The following CFAP73 variants were observed in gnomAD, a reference collection of about 807,000 sequenced individuals.
CFAP73 encodes cilia and flagella associated protein 73, also known as cilia- and flagella-associated protein 73.
A neutral mutation model predicts 42.9 loss-of-function variants in CFAP73; 33 were observed. That is an observed-to-expected ratio of 0.77 (90% CI 0.58 to 1.03). CFAP73 has a LOEUF of 1.03. Ranked by LOEUF, CFAP73 falls within the 50% of genes least tolerant of loss-of-function variation. The pLI, the probability that CFAP73 is intolerant of heterozygous loss-of-function variation, is 0.00. For missense variants in CFAP73, 392 were observed against 411.9 expected (o/e 0.95, Z 0.42); for synonymous variants, 162 against 186.8 (o/e 0.87, Z 1.08).
chr12:113,155,151 C>T, intron 5 of CFAP73, 109 bp from the exon 6 acceptor site: 2 of 1,002,684 alleles, frequency 2.0e-6, no homozygotes, highest in Admixed American at 2.9e-5. Context: ...GCCTGGGCGA[C>T]AAAGCTAGAC....
rs1406338810 is a variant in CFAP73 at position 113,155,298 on chromosome 12, GAA to G, written c.730_731del (p.Lys244AspfsTer58). The G allele has an allele frequency of 5.2e-6, 8 of 1,549,936 alleles. No homozygotes were observed. Among genetic ancestry groups the G allele is most frequent in the Non-Finnish European group, 7.0e-6 (8 of 1,145,732 alleles). On this transcript the variant is annotated frameshift_variant, in exon 6 of 8. Coordinates refer to ENST00000335621, the MANE Select transcript of CFAP73 (RefSeq NM_001144872.3). LOFTEE classifies it high-confidence loss of function. ...WIQIQNTAAE[K>X]TLLLGRSRMA... ...TTCAGATTCAGAACACAGCAGCGGA[GAA>G]GACTCTGCTCCTGGGACGCAGCAGG...
chr12:113,155,464 C>T, intron 6 of CFAP73, 46 bp downstream of exon 6: 1 of 1,502,092 alleles, frequency 6.7e-7, no homozygotes, highest in Non-Finnish European at 9.0e-7. Context: ...AACACTCCCT[C>T]TTTGGAAAAA....
chr12:113,153,487 A>T (rs1263708176), intron 4 of CFAP73, 79 bp downstream of exon 4: 2 of 1,170,296 alleles, frequency 1.7e-6, no homozygotes, highest in Non-Finnish European at 2.2e-6. Flanking sequence ...CGGACCGGCG[A>T]ACTACTGGTT....
rs146124972 is a variant in CFAP73 at position 113,159,100 on chromosome 12, C to T, written c.*411C>T. 1.9e-4 allele frequency: 304 copies of T among 1,597,294 alleles called. No individual in the cohort carries two copies. The highest frequency in any genetic ancestry group is 2.4e-4 in the Non-Finnish European group (284 of 1,172,976). ...TGCAGGGGTGCCTGGGGCGTGGGGC[C>T]GGGATGCACCTGCTGGGACAGGGAT... On this transcript the variant is annotated 3_prime_UTR_variant, in exon 8 of 8. Transcript: ENST00000335621.
At chr12:113,155,187 AAGTGGCTGGG>A in intron 5 of CFAP73, 63 bp from the exon 6 acceptor site, 1 of 1,337,730 alleles carries the variant, frequency 7.5e-7, no homozygotes, top group African/African-American at 1.5e-5. Context: ...AAAAAAAAAA[AAGTGGCTGGG>A]AAGAGGGGGC....
At chr12:113,152,951 C>T (rs1952078660) in intron 3 of CFAP73, 64 bp downstream of exon 3, 13 of 1,142,580 alleles carry the variant, frequency 1.1e-5, no homozygotes, top group Non-Finnish European at 1.6e-5. Context: ...CCTATAGGGG[C>T]CCGGCAGGTA....
rs1490804781 is a variant in CFAP73 at position 113,155,334 on chromosome 12, G to A, written c.765G>A (p.Val255=). The A allele has an allele frequency of 3.9e-6, 6 of 1,551,284 alleles. No individual in the cohort carries two copies. The highest frequency in any genetic ancestry group is 5.2e-6 in the Non-Finnish European group (6 of 1,146,782). ...TCCTGGGACGCAGCAGGATGGCTGT[G>A]CTCAACCTGTTCCAGCTAGTGTGCC... ...TLLLGRSRMA[V]LNLFQLVCQH... Residue 255 remains valine, a synonymous_variant, in exon 6 of 8, where the codon GTG becomes GTA. Transcript: ENST00000335621.
In CFAP73 at chr12:113,153,271, C is replaced by A; in HGVS notation, c.331C>A (p.Arg111Ser). ...RAAEERHQAGRREVEALRLWT... is the reference protein window; with the variant it reads ...RAAEERHQAGSREVEALRLWT... ...GGCGGAGGAGAGGCACCAGGCGGGC[C>A]GTCGGGAGGTGGAGGCGCTGCGTCT... is the stretch of plus-strand genomic sequence containing the variant. The change falls in exon 4 of 8, where the codon CGT becomes AGT. Residue 111 changes from arginine (R) to serine (S), a missense_variant. Arg to Ser is a moderately radical substitution (Grantham distance 110, BLOSUM62 -1). Transcript: ENST00000335621. The A allele has an allele frequency of 6.6e-7, 1 of 1,518,086 alleles. No individual in the cohort carries two copies. The highest frequency in any genetic ancestry group is 2.5e-5 in the East Asian group (1 of 39,362). The allele number at this position is 1,518,086 out of a possible 1,614,324, so 94.0% of individuals were successfully genotyped here.
intron 1 of CFAP73, among the ~76,000 whole-genome samples, chr12:113,151,280 G>A (rs899095217): frequency 5.9e-5 from 9 of 152,126 alleles, no homozygotes; most frequent in South Asian, 2.1e-4. Context: ...TCAGGATTTC[G>A]AGACCAGCCT....
intron 2 of CFAP73, 66 bp from the exon 3 acceptor site, chr12:113,152,717 G>A (rs1357113098): frequency 1.6e-5 from 18 of 1,146,056 alleles, no homozygotes; most frequent in Non-Finnish European, 1.8e-5. Flanking sequence ...GGTTAGGTGT[G>A]AACCTGACAG....
At chr12:113,157,755 G>A (rs1020949930) in intron 7 of CFAP73, 65 bp downstream of exon 7, 1 of 1,194,890 alleles carries the variant, frequency 8.4e-7, no homozygotes, top group Admixed American at 2.0e-5. Flanking sequence ...TTCCAATGGG[G>A]TGTGGACTGA....
chr12:113,154,351 G>A lies in CFAP73; in HGVS notation c.469-63G>A. ...AATAATAAGGAACGCTGGCGGCCAG[G>A]TGGGATGGAGAGGGTAAGGCACTGC... On this transcript the variant is annotated intron_variant, in intron 4 of 7. Transcript: ENST00000335621. The surrounding 1 kb of genome is among the most constrained non-coding windows in gnomAD (Gnocchi z 4.7). The A allele has an allele frequency of 6.6e-7, 1 of 1,517,544 alleles. No individual in the cohort carries two copies. The highest frequency in any genetic ancestry group is 8.9e-7 in the Non-Finnish European group (1 of 1,122,016). 94.0% of individuals were successfully genotyped at this position (1,517,544 alleles called of 1,614,324 possible).
chr12:113,153,174 C>A, intron 3 of CFAP73, 34 bp from the exon 4 acceptor site: 1 of 1,464,536 alleles, frequency 6.8e-7, no homozygotes, highest in Non-Finnish European at 9.0e-7. Context: ...CTCCTGAGTC[C>A]TGAAGGTCGT....
At chr12:113,157,182 C>T (rs1033562455) in intron 6 of CFAP73, 2 of 163,196 alleles carry the variant, frequency 1.2e-5, no homozygotes, top group African/African-American at 2.4e-5. Context: ...CTAGTTTTTA[C>T]AATGGATCCA....
At chr12:113,156,747 CAA>C (rs1952132339) in intron 6 of CFAP73, 1 of 152,118 alleles carries the variant, frequency 6.6e-6, no homozygotes, top group Admixed American at 6.5e-5. Flanking sequence ...TGTAAACAGG[CAA>C]AAGTCAGTGC....
chr12:113,157,804 G>C (rs1033816348), intron 7 of CFAP73, 114 bp downstream of exon 7: 4 of 801,334 alleles, frequency 5.0e-6, no homozygotes, highest in East Asian at 2.7e-5. Flanking sequence ...TGGGAAGATG[G>C]GAGGGCTGTG....
rs1450596746 is a variant in CFAP73 at position 113,159,226 on chromosome 12, G to C, written c.*537G>C. On this transcript the variant is annotated 3_prime_UTR_variant, in exon 8 of 8. Transcript: ENST00000335621. ...ACTCCTGTTCTGTGCTTATTGCTGT[G>C]GCCCAGTGTCTGTACACAGTAGGTG... 13 of 1,168,098 alleles carry C rather than the reference G, an allele frequency of 1.1e-5. No individual in the cohort carries two copies. Among genetic ancestry groups the C allele is most frequent in the Non-Finnish European group, 1.4e-5 (12 of 843,998 alleles). The allele number at this position is 1,168,098 out of a possible 1,614,324, so 72.4% of individuals were successfully genotyped here. A position where few individuals can be genotyped will look rare whatever the true frequency, so the allele number is the denominator to read the frequency against.
At position 113,154,103 on chromosome 12, in the gene CFAP73, T is replaced by C. The variant is rs1292929238; in HGVS notation, c.469-311T>C. On this transcript the variant is annotated intron_variant, in intron 4 of 7. Transcript: ENST00000335621. This position sits in a 1 kb window ranked among gnomAD's most constrained non-coding sequence, Gnocchi z 4.7. ...GAGTTCGAGACCAGTCTGGGTAACA[T>C]AGAGTGACACCTGTCTCTACAAAAA... 1.3e-5 allele frequency among the ~76,000 whole-genome samples: 2 copies of C among 151,900 alleles called. No individual in the cohort carries two copies. Among genetic ancestry groups the C allele is most frequent in the East Asian group, 3.9e-4 (2 of 5,098 alleles).
At position 113,151,975 on chromosome 12, in the gene CFAP73, G is replaced by A; in HGVS notation, c.114G>A (p.Lys38=). The change falls in exon 2 of 8, where the codon AAG becomes AAA. Residue 38 remains lysine (K), a synonymous_variant. Coordinates refer to ENST00000335621, the MANE Select transcript of CFAP73 (RefSeq NM_001144872.3). ...CACCAGTACTGCGTCTCCTGGAGAA[G>A]AGGCAAGAGCTGGTAGATGCAGACC... ...HVPPVLRLLE[K]RQELVDADQA... The A allele has an allele frequency of 1.9e-6, 3 of 1,551,620 alleles. No individual in the cohort carries two copies. The highest frequency in any genetic ancestry group is 1.2e-5 in the South Asian group (1 of 84,058).
Sources: gnomAD v4.1 joint callset for allele counts (sites outside exome capture counted in the v4.1 genomes callset) on GRCh38, gnomAD v4.1.1 for gene constraint, Gnocchi (gnomAD v3.1) non-coding constraint, MANE v1.5 for transcripts, NCBI Gene and HGNC (gene_info 2026-07-23, HGNC 2026-07-21) for gene names.